Variants in DCBLD2 observed in about 807,000 individuals in gnomAD.
The protein encoded by DCBLD2 is discoidin, CUB and LCCL domain-containing protein 2.
In DCBLD2, 54 loss-of-function variants were observed where a neutral mutation model predicts 86.8. That is an observed-to-expected ratio of 0.62 (90% confidence interval 0.50 to 0.78). The LOEUF is 0.78. Among genes scored for constraint, DCBLD2 ranks in the 30% least tolerant of loss-of-function variants. The pLI, the probability that DCBLD2 is intolerant of heterozygous loss-of-function variation, is 0.00. For synonymous variants in DCBLD2, 354 were observed against 341.3 expected (o/e 1.04, Z -0.41); for missense variants, 908 against 954.2 (o/e 0.95, Z 0.64).
At chr3:98,856,626 T>C (rs1385694331) in intron 2 of DCBLD2, among the ~76,000 whole-genome samples, 3 of 152,110 alleles carry the variant, frequency 2.0e-5, no homozygotes, top group African/African-American at 7.2e-5. Flanking sequence ...TTAAATGTCC[T>C]CATACATTTG....
chr3:98,878,671 G>C (rs1943411362), intron 2 of DCBLD2, among the ~76,000 whole-genome samples: 1 of 152,172 alleles, frequency 6.6e-6, no homozygotes, highest in South Asian at 2.1e-4. Context: ...CTAACCATAG[G>C]CTGCTACCAA....
At chr3:98,811,042 T>C (rs1941928367) in intron 12 of DCBLD2, among the ~76,000 whole-genome samples, 152 bp downstream of exon 12, 1 of 152,222 alleles carries the variant, frequency 6.6e-6, no homozygotes, top group Non-Finnish European at 1.5e-5. Flanking sequence ...AATGCAGTCT[T>C]TTCCTATGAA....
At chr3:98,891,187 A>AGAGGGAGAAGGAGAGAGGGAGAGG (rs1489172171) in intron 1 of DCBLD2, among the ~76,000 whole-genome samples, 1 of 151,148 alleles carries the variant, frequency 6.6e-6, no homozygotes, top group African/African-American at 2.4e-5. Context: ...TGACAGAGGG[A>AGAGGGAGAAGGAGAGAGGGAGAGG]GAGGGAGAAG....
intron 2 of DCBLD2, among the ~76,000 whole-genome samples, chr3:98,866,550 T>C (rs898399430): frequency 6.6e-6 from 1 of 152,210 alleles, no homozygotes; most frequent in African/African-American, 2.4e-5. Flanking sequence ...CACTTGTTGA[T>C]GGGGTTGTTT....
chr3:98,818,782 T>C (rs990946402), intron 8 of DCBLD2, among the ~76,000 whole-genome samples: 1 of 152,210 alleles, frequency 6.6e-6, no homozygotes, highest in East Asian at 1.9e-4. Context: ...AGACTCCAAG[T>C]TCTTAGCTTT....
intron 10 of DCBLD2, 38 bp downstream of exon 10, chr3:98,812,294 T>A (rs772526988): frequency 6.2e-7 from 1 of 1,604,154 alleles, no homozygotes; most frequent in Middle Eastern, 1.7e-4. Flanking sequence ...AAATTGGCAA[T>A]CCAGTAAAAA....
rs1381583297 is a variant in DCBLD2 at position 98,833,895 on chromosome 3, C to T, written c.572-8529G>A. ...GCTCCAAAGTCCCAGTGAAGGGAGG[C>T]TGGAAACCCAAGCCTGGAGGACTTG... On this transcript the variant is annotated intron_variant, in intron 3 of 15. Transcript: ENST00000326840. 2.0e-5 allele frequency among the ~76,000 whole-genome samples: 3 copies of T among 152,318 alleles called. No homozygotes were observed. In the East Asian group the frequency reaches 5.8e-4, roughly 29 times the overall value.
chr3:98,858,861 C>G (rs569339208), intron 2 of DCBLD2, among the ~76,000 whole-genome samples: 1 of 152,306 alleles, frequency 6.6e-6, no homozygotes, highest in East Asian at 1.9e-4. Context: ...CAGCTCCAGT[C>G]TATAGCTCCC....
Position 98,869,102 on chromosome 3 carries a change from G to A in DCBLD2, c.433+12438C>T, listed in dbSNP as rs75309895. Among the ~76,000 whole-genome samples, 491 of 152,184 alleles carry A rather than the reference G, an allele frequency of 3.2e-3. 3 individuals are homozygous for A. The highest frequency in any genetic ancestry group is 8.4e-3 in the African/African-American group (348 of 41,560). On this transcript the variant is annotated intron_variant, in intron 2 of 15. Transcript: ENST00000326840. ...CACCAACAGTGTATAAGTGTTCCCTGTCTGCGCCAACATCTATTGTTTTTT... is the reference window on the plus strand; with the variant it reads ...CACCAACAGTGTATAAGTGTTCCCTATCTGCGCCAACATCTATTGTTTTTT...
intron 3 of DCBLD2, among the ~76,000 whole-genome samples, chr3:98,839,462 G>A (rs1368304462): frequency 2.0e-5 from 3 of 152,088 alleles, no homozygotes; most frequent in East Asian, 3.9e-4. Context: ...TTTTAAATAA[G>A]GGAATTGTAT....
intron 13 of DCBLD2, among the ~76,000 whole-genome samples, chr3:98,807,247 C>T (rs1348365837): frequency 2.6e-5 from 4 of 152,170 alleles, no homozygotes; most frequent in Non-Finnish European, 4.4e-5. Flanking sequence ...ACAATTGGCT[C>T]AGGTTGGGCC....
chr3:98,812,208 G>T, intron 10 of DCBLD2, 124 bp downstream of exon 10: 1 of 1,311,582 alleles, frequency 7.6e-7, no homozygotes, highest in Non-Finnish European at 1.0e-6. Context: ...CCTTTAAGAA[G>T]ATATTGTAAT....
Position 98,819,298 on chromosome 3 carries a change from C to A in DCBLD2, c.991G>T (p.Ala331Ser), listed in dbSNP as rs1340596782. 4 of 1,613,776 alleles carry A rather than the reference C, an allele frequency of 2.5e-6. No individual in the cohort carries two copies. The Admixed American group carries it at 5.0e-5, about 20-fold the overall frequency. The part of the protein sequence containing the change: ...GQENSWKPKK[A>S]RLKKPGPPWA... ...GGCGGTCCAGGTTTTTTCAGCCTGG[C>A]TTTTTTGGGTTTCCAACTGTTCTCT... Residue 331 changes from alanine to serine, a missense_variant, in exon 8 of 16, where the codon GCC becomes TCC. Transcript: ENST00000326840.
At chr3:98,833,659 TGAG>T (rs1200776299) in intron 3 of DCBLD2, among the ~76,000 whole-genome samples, 6 of 152,198 alleles carry the variant, frequency 3.9e-5, no homozygotes, top group Admixed American at 6.5e-5. Flanking sequence ...CCCTGTCCAG[TGAG>T]GAGAAGTGAG....
At chr3:98,888,128 A>T (rs2107528026) in intron 1 of DCBLD2, among the ~76,000 whole-genome samples, 1 of 152,018 alleles carries the variant, frequency 6.6e-6, no homozygotes, top group Admixed American at 6.6e-5. Flanking sequence ...AATGTATTTA[A>T]ATTTCCTCCA....
At chr3:98,885,942 A>C (rs912520914) in intron 1 of DCBLD2, among the ~76,000 whole-genome samples, 2 of 151,690 alleles carry the variant, frequency 1.3e-5, no homozygotes, top group African/African-American at 4.8e-5. Flanking sequence ...ACATCTTATC[A>C]TGCACAGGAG....
rs747466010 is a variant in DCBLD2, at chr3:98,799,765, T to C, written c.1935A>G (p.Lys645=). The change falls in exon 16 of 16, where the codon AAA becomes AAG. Residue 645 remains lysine (K), a synonymous_variant. Transcript: ENST00000326840. ...QRSTFKPEEG[K]EAGYADLDPY... ...GATCTAGGTCTGCATAGCCTGCTTC[T>C]TTTCCTTCTTCTGGTTTAAAGGTAG... The C allele has an allele frequency of 8.1e-6, 13 of 1,613,832 alleles. No homozygotes were observed. The highest frequency in any genetic ancestry group is 1.1e-5 in the Non-Finnish European group (13 of 1,179,876).
chr3:98,835,857 T>C (rs1942430512), intron 3 of DCBLD2, among the ~76,000 whole-genome samples: 1 of 151,874 alleles, frequency 6.6e-6, no homozygotes, highest in Admixed American at 6.6e-5. Context: ...CCACTCCATA[T>C]GCTACTATAA....
intron 1 of DCBLD2, among the ~76,000 whole-genome samples, chr3:98,886,023 A>G (rs560734416): frequency 1.3e-4 from 20 of 152,018 alleles, no homozygotes; most frequent in South Asian, 6.2e-4. Context: ...CTTAGAGTTA[A>G]AGCTAGAAAA....
Sources: gnomAD v4.1 joint callset for allele counts (sites outside exome capture counted in the v4.1 genomes callset) on GRCh38, gnomAD v4.1.1 for gene constraint, MANE v1.5 for transcripts, NCBI Gene and HGNC (gene_info 2026-07-23, HGNC 2026-07-21) for gene names.